SLC22A24: variants seen among roughly 807,000 people sequenced by gnomAD.
SLC22A24 encodes solute carrier family 22 member 24.
A neutral mutation model predicts 49.8 loss-of-function variants in SLC22A24; 53 were observed. That is an observed-to-expected ratio of 1.06 (90% confidence interval 0.85 to 1.34). The LOEUF (loss-of-function observed/expected upper bound fraction) is 1.34, where lower values mean the gene tolerates loss of function less well. Ranked by LOEUF, SLC22A24 falls within the 40% of genes most tolerant of loss-of-function variation. The pLI is 0.00. For missense variants in SLC22A24, 786 were observed against 675.9 expected, an observed-to-expected ratio of 1.16 and a Z score of -1.81; for synonymous variants, 302 against 256.4, an observed-to-expected ratio of 1.18 and a Z score of -1.70.
intron 5 of SLC22A24, among the ~76,000 whole-genome samples, chr11:63,098,599 G>T (rs545050836): frequency 6.6e-6 from 1 of 152,062 alleles, no homozygotes; most frequent in Non-Finnish European, 1.5e-5. Context: ...GGAGCTGAAG[G>T]TTGCAGTAAG....
chr11:63,102,790 A>G (rs1309569337), intron 5 of SLC22A24, among the ~76,000 whole-genome samples: 1 of 152,080 alleles, frequency 6.6e-6, no homozygotes, highest in Admixed American at 6.6e-5. Context: ...CTTGAGACCT[A>G]ATCAAGGAAC....
intron 4 of SLC22A24, among the ~76,000 whole-genome samples, chr11:63,112,205 G>C (rs546458461): frequency 1.3e-5 from 2 of 152,128 alleles, no homozygotes; most frequent in Non-Finnish European, 2.9e-5. Flanking sequence ...TTGCACTGTG[G>C]TCTGAGAGAT....
At chr11:63,120,266 A>T in intron 2 of SLC22A24, among the ~76,000 whole-genome samples, 1 of 135,638 alleles carries the variant, frequency 7.4e-6, no homozygotes, top group Non-Finnish European at 1.5e-5. Flanking sequence ...GATCACATGG[A>T]CACAGGAAGG....
chr11:63,111,470 A>C (rs1590739057), intron 4 of SLC22A24, among the ~76,000 whole-genome samples: 3 of 152,002 alleles, frequency 2.0e-5, no homozygotes, highest in Non-Finnish European at 4.4e-5. Flanking sequence ...CTGTGAATCC[A>C]TCTGGTCCTG....
At position 63,083,477 on chromosome 11, in the gene SLC22A24, C is replaced by A; in HGVS notation, c.1071-20G>T. Reference sequence around the variant, plus strand: ...GCGAATCTGAAGTGAATAAAAAGGACAAAGACATATTCAATAAGATTTAAA... The same window carrying A: ...GCGAATCTGAAGTGAATAAAAAGGAAAAAGACATATTCAATAAGATTTAAA... On this transcript the variant is annotated intron_variant, in intron 6 of 9. Coordinates refer to ENST00000612278, the MANE Select transcript of SLC22A24 (RefSeq NM_001136506.2). 3 of 1,523,702 alleles carry A rather than the reference C, an allele frequency of 2.0e-6. No individual in the cohort carries two copies. Among genetic ancestry groups the A allele is most frequent in the Non-Finnish European group, 1.8e-6 (2 of 1,122,680 alleles). 94.4% of individuals were successfully genotyped at this position (1,523,702 alleles called of 1,614,324 possible). A position where few individuals can be genotyped will look rare whatever the true frequency, so the allele number is the denominator to read the frequency against.
At position 63,143,470 on chromosome 11, in the gene SLC22A24, TC is replaced by T; in HGVS notation, c.309del (p.Thr104ProfsTer29). ...HPQWQLLHLN[G>X]TFPNTNEPDT... ...TCTGGCTCATTTGTGTTGGGGAAGG[TC>T]CCGTTCAGGTGAAGGAGCTGCCACT... On this transcript the variant is annotated frameshift_variant, in exon 1 of 10. Coordinates refer to ENST00000612278, the MANE Select transcript of SLC22A24 (RefSeq NM_001136506.2). LOFTEE classifies it high-confidence loss of function. The T allele has an allele frequency of 4.4e-6, 7 of 1,597,372 alleles. No individual in the cohort carries two copies. The highest frequency in any genetic ancestry group is 6.0e-6 in the Non-Finnish European group (7 of 1,172,106).
chr11:63,092,325 C>A (rs1299367855), intron 6 of SLC22A24, among the ~76,000 whole-genome samples: 2 of 150,674 alleles, frequency 1.3e-5, no homozygotes, highest in African/African-American at 4.9e-5. Flanking sequence ...GACCATACTG[C>A]CCAAAGTAAT....
At chr11:63,090,110 A>ATT (rs1309261679) in intron 6 of SLC22A24, among the ~76,000 whole-genome samples, 3 of 150,186 alleles carry the variant, frequency 2.0e-5, no homozygotes, top group Admixed American at 1.3e-4. Context: ...AAAAAAGACA[A>ATT]AGAATGGCAT....
chr11:63,113,393 G>T (rs1000608571), intron 4 of SLC22A24, among the ~76,000 whole-genome samples: 2 of 151,584 alleles, frequency 1.3e-5, no homozygotes, highest in South Asian at 4.2e-4. Flanking sequence ...GGCTGGTACC[G>T]TTTGTTTCTT....
At chr11:63,083,134 T>C in intron 7 of SLC22A24, 109 bp downstream of exon 7, 1 of 834,504 alleles carries the variant, frequency 1.2e-6, no homozygotes, top group East Asian at 2.7e-5. Context: ...GGGAATCTTT[T>C]GGCTGTCAAG....
chr11:63,108,336 C>G (rs184518916), intron 4 of SLC22A24, among the ~76,000 whole-genome samples: 2 of 152,102 alleles, frequency 1.3e-5, no homozygotes, highest in African/African-American at 4.8e-5. Context: ...TTCGTTTTGC[C>G]AGTATTTTAT....
At chr11:63,136,362 G>A (rs917820177) in intron 1 of SLC22A24, among the ~76,000 whole-genome samples, 1 of 152,222 alleles carries the variant, frequency 6.6e-6, no homozygotes, top group Non-Finnish European at 1.5e-5. Context: ...TCGATGAGAT[G>A]CACTGAAAAC....
chr11:63,095,922 T>A (rs1036356059), intron 6 of SLC22A24, 69 bp downstream of exon 6: 3 of 1,146,466 alleles, frequency 2.6e-6, no homozygotes, highest in East Asian at 2.6e-5. Flanking sequence ...CTGCTGCTAA[T>A]CTTTTGAAAG....
At chr11:63,106,403 G>C (rs372870434) in intron 4 of SLC22A24, among the ~76,000 whole-genome samples, 4 of 152,260 alleles carry the variant, frequency 2.6e-5, no homozygotes, top group Non-Finnish European at 4.4e-5. Flanking sequence ...ATGTGTGCAT[G>C]TGTCTTTATA....
At chr11:63,111,046 T>G (rs1435374307) in intron 4 of SLC22A24, among the ~76,000 whole-genome samples, 1 of 151,956 alleles carries the variant, frequency 6.6e-6, no homozygotes, top group Admixed American at 6.6e-5. Flanking sequence ...TTATTGAGAG[T>G]TTTTAGCATG....
chr11:63,136,605 C>A (rs1403758575), intron 1 of SLC22A24, among the ~76,000 whole-genome samples: 1 of 152,224 alleles, frequency 6.6e-6, no homozygotes, highest in Admixed American at 6.5e-5. Context: ...CGGTCTCCTG[C>A]ACAGCTGGCT....
chr11:63,143,603 C>G lies in SLC22A24; in HGVS notation c.177G>C (p.Val59=). ...CWVPLLDNDT[V]SDNDTGTLSK... ...TGAGGGTCCCGGTATCATTGTCAGA[C>G]ACAGTGTCATTGTCCAGGAGGGGGA... The change falls in exon 1 of 10, where the codon GTG becomes GTC. Residue 59 remains valine (V), a synonymous_variant. Transcript: ENST00000612278. 1.9e-6 allele frequency: 3 copies of G among 1,578,610 alleles called. No individual in the cohort carries two copies. Among genetic ancestry groups the G allele is most frequent in the Non-Finnish European group, 2.6e-6 (3 of 1,163,724 alleles).
In SLC22A24 at chr11:63,091,913, CATGCATGAGAAAGAAAT is replaced by C. The variant is rs2087022707; in HGVS notation, c.1070+4061_1070+4077del. On this transcript the variant is annotated intron_variant, in intron 6 of 9. Coordinates refer to ENST00000612278, the MANE Select transcript of SLC22A24 (RefSeq NM_001136506.2). ...TATTGGAAGTTCTGGCCAAGGCAAT[CATGCATGAGAAAGAAAT>C]AAAGGTATTTAAATAGAGAGGAAGT... Among the ~76,000 whole-genome samples the C allele has an allele frequency of 2.0e-5, 3 of 152,214 alleles. No individual in the cohort carries two copies. In the East Asian group the frequency reaches 5.8e-4, roughly 29 times the overall value.
intron 2 of SLC22A24, among the ~76,000 whole-genome samples, chr11:63,132,499 A>G (rs1590749903): frequency 6.6e-6 from 1 of 152,164 alleles, no homozygotes; most frequent in East Asian, 1.9e-4. Flanking sequence ...TGGTGATGCT[A>G]TTCCTTTCTG....
Sources: gnomAD v4.1 joint callset for allele counts (sites outside exome capture counted in the v4.1 genomes callset) on GRCh38, gnomAD v4.1.1 for gene constraint, MANE v1.5 for transcripts, NCBI Gene and HGNC (gene_info 2026-07-23, HGNC 2026-07-21) for gene names.